Variants in SORCS1 observed in about 807,000 individuals in gnomAD.
The protein encoded by SORCS1 is sortilin related VPS10 domain containing receptor 1.
A neutral mutation model predicts 146.1 loss-of-function variants in SORCS1; 60 were observed. That is an observed-to-expected ratio of 0.41 (90% confidence interval 0.33 to 0.51). The LOEUF is 0.51. SORCS1 is among the 20% of genes least tolerant of loss of function. The probability of loss-of-function intolerance (pLI) is 0.21; values close to 1 mark genes in which losing one functional copy is unlikely to be tolerated. For synonymous variants in SORCS1, 637 were observed against 584.0 expected, an observed-to-expected ratio of 1.09 and a Z score of -1.31; for missense variants, 1,352 against 1,487.6, an observed-to-expected ratio of 0.91 and a Z score of 1.50.
intron 1 of SORCS1, among the ~76,000 whole-genome samples, chr10:107,078,194 A>T (rs1013662025): frequency 6.6e-6 from 1 of 152,214 alleles, no homozygotes; most frequent in Non-Finnish European, 1.5e-5. Context: ...ACCAATAAAA[A>T]TATTTTACTA....
the SORCS1 span, among the ~76,000 whole-genome samples, chr10:107,179,491 A>G: frequency 6.6e-6 from 1 of 152,186 alleles, no homozygotes; most frequent in Non-Finnish European, 1.5e-5. Context: ...ACCTCTTGAG[A>G]ATGGCATTTT....
intron 2 of SORCS1, among the ~76,000 whole-genome samples, chr10:106,882,895 A>C (rs1950858945): frequency 6.6e-6 from 1 of 152,168 alleles, no homozygotes; most frequent in Non-Finnish European, 1.5e-5. Flanking sequence ...GAATGACTCC[A>C]TTTCAAAAAC....
At chr10:106,897,212 G>A (rs1951523730) in intron 2 of SORCS1, among the ~76,000 whole-genome samples, 1 of 151,674 alleles carries the variant, frequency 6.6e-6, no homozygotes, top group Non-Finnish European at 1.5e-5. Flanking sequence ...GCAGGGTCTT[G>A]CTCTGTTGCC....
At chr10:106,802,250 G>T (rs12248379) in intron 3 of SORCS1, among the ~76,000 whole-genome samples, 23,701 of 152,164 alleles carry the variant, frequency 0.16, 2,048 homozygotes, top group East Asian at 0.25. Flanking sequence ...AGAGTGATAA[G>T]GTGAGCCTGG....
intron 22 of SORCS1, among the ~76,000 whole-genome samples, chr10:106,607,770 T>C (rs1846708279): frequency 6.6e-6 from 1 of 152,162 alleles, no homozygotes; most frequent in Admixed American, 6.5e-5. Flanking sequence ...TAGCCCTTTC[T>C]AACCTAGCTT....
chr10:106,806,902 C>T (rs1421688944), intron 3 of SORCS1, among the ~76,000 whole-genome samples: 1 of 152,076 alleles, frequency 6.6e-6, no homozygotes, highest in East Asian at 1.9e-4. Context: ...CAACATCCCG[C>T]CTTACTCACA....
intron 1 of SORCS1, among the ~76,000 whole-genome samples, chr10:107,108,303 T>C (rs1490534405): frequency 2.0e-5 from 3 of 152,198 alleles, no homozygotes; most frequent in Admixed American, 2.0e-4. Context: ...AGATGTTTAA[T>C]TGGCTCACTG....
intron 18 of SORCS1, among the ~76,000 whole-genome samples, chr10:106,634,223 T>C (rs1288940384): frequency 6.6e-6 from 1 of 152,192 alleles, no homozygotes; most frequent in Non-Finnish European, 1.5e-5. Flanking sequence ...TAGGGTAGAC[T>C]GTGTCAACTC....
chr10:107,101,120 C>T (rs771266708), intron 1 of SORCS1, among the ~76,000 whole-genome samples: 4 of 152,214 alleles, frequency 2.6e-5, no homozygotes, highest in African/African-American at 7.2e-5. Context: ...AGTGCAATGG[C>T]GCGATCTCGG....
chr10:106,904,965 GA>G (rs1418735843), intron 2 of SORCS1, among the ~76,000 whole-genome samples: 11 of 152,150 alleles, frequency 7.2e-5, no homozygotes, highest in Admixed American at 7.2e-4. Flanking sequence ...AGAAAATAAT[GA>G]AAATGCAAAT....
At position 107,028,867 on chromosome 10, in the gene SORCS1, T is replaced by C. The variant is rs74557503; in HGVS notation, c.559-72287A>G. On this transcript the variant is annotated intron_variant, in intron 1 of 25. Coordinates refer to ENST00000263054, the MANE Select transcript of SORCS1 (RefSeq NM_052918.5). The stretch of plus-strand genomic sequence containing the variant: ...ATCAAGGAAGAAGGAAGTAGATGTG[T>C]GACCCCTGCAAGCCACTTAATCTCG... Among the ~76,000 whole-genome samples, 247 of 152,350 alleles carry C rather than the reference T, an allele frequency of 1.6e-3. 2 individuals are homozygous for C. Among genetic ancestry groups the C allele is most frequent in the African/African-American group, 5.7e-3 (237 of 41,580 alleles).
chr10:107,122,622 C>T (rs1650099993), intron 1 of SORCS1, among the ~76,000 whole-genome samples: 1 of 152,014 alleles, frequency 6.6e-6, no homozygotes, highest in Admixed American at 6.5e-5. Context: ...TTTTCTTTAA[C>T]TTTGATGCTG....
chr10:107,083,768 A>C (rs1055146675), intron 1 of SORCS1, among the ~76,000 whole-genome samples: 1 of 152,240 alleles, frequency 6.6e-6, no homozygotes, highest in Non-Finnish European at 1.5e-5. Flanking sequence ...TGAGGGCTGC[A>C]TATGAGCACT....
chr10:106,947,241 C>G (rs569991733), intron 2 of SORCS1, among the ~76,000 whole-genome samples: 38 of 152,140 alleles, frequency 2.5e-4, no homozygotes, highest in Non-Finnish European at 5.1e-4. Context: ...AATGTAATCT[C>G]GAGTATCATT....
chr10:106,722,120 T>TACACACAC (rs140882766), intron 6 of SORCS1, among the ~76,000 whole-genome samples: 88,435 of 144,122 alleles, frequency 0.61, 29,049 homozygotes, highest in Non-Finnish European at 0.75. Context: ...AATATATAAA[T>TACACACAC]ACACACACAC....
chr10:106,982,658 A>T (rs1358453451), intron 1 of SORCS1, among the ~76,000 whole-genome samples: 2 of 152,186 alleles, frequency 1.3e-5, no homozygotes, highest in Non-Finnish European at 2.9e-5. Context: ...TACGGATTTG[A>T]CTTTGCCCTC....
intron 10 of SORCS1, among the ~76,000 whole-genome samples, chr10:106,683,139 A>C (rs535758654): frequency 6.6e-6 from 1 of 152,212 alleles, no homozygotes; most frequent in Non-Finnish European, 1.5e-5. Context: ...AAACCCCGAA[A>C]CCCATAAGTG....
intron 2 of SORCS1, among the ~76,000 whole-genome samples, chr10:106,876,532 T>C (rs550937317): frequency 6.6e-5 from 10 of 152,346 alleles, no homozygotes; most frequent in Non-Finnish European, 1.2e-4. Context: ...CTGGTTGCTC[T>C]AGGGAATGCC....
At chr10:106,910,567 TAA>T (rs1447513316) in intron 2 of SORCS1, among the ~76,000 whole-genome samples, 1 of 152,128 alleles carries the variant, frequency 6.6e-6, no homozygotes, top group Admixed American at 6.5e-5. Context: ...ACCAATGATA[TAA>T]GTTAATATAA....
Sources: allele counts gnomAD v4.1 joint callset (sites outside exome capture counted in the v4.1 genomes callset), GRCh38; gene constraint gnomAD v4.1.1; transcripts MANE v1.5; gene names NCBI Gene and HGNC (gene_info 2026-07-23, HGNC 2026-07-21).